BTBD1: variants seen among roughly 807,000 people sequenced by gnomAD.
BTBD1 encodes the protein BTB domain containing 1.
Under a neutral mutation model 48.0 loss-of-function variants are expected in BTBD1, and 34 were observed. That is an observed-to-expected ratio of 0.71 (90% confidence interval 0.54 to 0.94). The LOEUF (loss-of-function observed/expected upper bound fraction) is 0.94, where lower values mean the gene tolerates loss of function less well. BTBD1 is among the 40% of genes least tolerant of loss of function. The pLI is 0.00. For synonymous variants in BTBD1, 261 were observed against 242.1 expected (o/e 1.08, Z -0.72); for missense variants, 543 against 625.6 (o/e 0.87, Z 1.41).
At chr15:83,051,785 T>A (rs185470655) in intron 2 of BTBD1, among the ~76,000 whole-genome samples, 1 of 151,882 alleles carries the variant, frequency 6.6e-6, no homozygotes, top group Non-Finnish European at 1.5e-5. Flanking sequence ...GTTGAAAAGA[T>A]AGTGCAATGA....
chr15:83,041,899 C>G lies in BTBD1; in HGVS notation c.691G>C (p.Asp231His), dbSNP rs763393505. 7.4e-6 allele frequency: 12 copies of G among 1,614,124 alleles called. No individual in the cohort carries two copies. The highest frequency in any genetic ancestry group is 9.3e-6 in the Non-Finnish European group (11 of 1,180,004). The change falls in exon 4 of 8, where the codon GAC (aspartate) becomes CAC (histidine). Residue 231 changes from aspartate (D) to histidine (H), a missense_variant. By Grantham distance (81) the Asp-to-His change is moderately conservative. Around this residue, in one of 3 missense-constraint regions of BTBD1, gnomAD observed 300 missense variants for 350.0 expected, o/e 0.86. Transcript: ENST00000261721. ...IDTLCAVLER[D>H]TLSIRESRLF... ...CGACTTTCTCGAATACTGAGTGTGT[C>G]TCTCTCTAAAACTGCACAGAGTGTA...
intron 3 of BTBD1, among the ~76,000 whole-genome samples, chr15:83,048,365 T>C (rs757991827): frequency 4.6e-5 from 7 of 152,128 alleles, no homozygotes; most frequent in South Asian, 2.1e-4. Context: ...AAGTAGACAG[T>C]TGGGTATATG....
chr15:83,036,430 T>C (rs1317907616), intron 4 of BTBD1, among the ~76,000 whole-genome samples: 1 of 152,196 alleles, frequency 6.6e-6, no homozygotes, highest in Non-Finnish European at 1.5e-5. Context: ...TTGGAGAGGA[T>C]GTGGGCAACC....
At chr15:83,065,022 G>A (rs1165226169) in intron 1 of BTBD1, among the ~76,000 whole-genome samples, 1 of 152,142 alleles carries the variant, frequency 6.6e-6, no homozygotes, top group Non-Finnish European at 1.5e-5. Flanking sequence ...TTTGTTCCAT[G>A]TCTTTTCACG....
chr15:83,061,965 G>A (rs2033183212), intron 1 of BTBD1: 2 of 152,238 alleles, frequency 1.3e-5, no homozygotes, highest in African/African-American at 4.8e-5. Flanking sequence ...AGGAAGTAAA[G>A]CCTGAAGATT....
chr15:83,048,407 A>G (rs1432238744), intron 3 of BTBD1, among the ~76,000 whole-genome samples: 3 of 152,338 alleles, frequency 2.0e-5, no homozygotes, highest in Admixed American at 6.5e-5. Flanking sequence ...CAGGGACTGA[A>G]GATACGTATT....
intron 7 of BTBD1, among the ~76,000 whole-genome samples, chr15:83,018,502 C>CT (rs1420042958): frequency 2.0e-5 from 3 of 152,222 alleles, no homozygotes; most frequent in Non-Finnish European, 4.4e-5. Context: ...AAACAAAGGG[C>CT]TACTTCTTAA....
rs1271487201 is a variant in BTBD1 at position 83,018,777 on chromosome 15, A to C, written c.1220T>G (p.Phe407Cys). 1 of 1,614,136 alleles carries C rather than the reference A, an allele frequency of 6.2e-7. No homozygotes were observed. The highest frequency in any genetic ancestry group is 1.1e-5 in the South Asian group (1 of 91,084). Residue 407 changes from phenylalanine to cysteine, a missense_variant, in exon 7 of 8, where the codon TTC becomes TGC. Physicochemically the swap from Phe to Cys is radical, Grantham distance 205. Coordinates refer to ENST00000261721, the MANE Select transcript of BTBD1 (RefSeq NM_025238.4). Reference protein sequence around the residue: ...GFSCDGTANTFRVMFKEPIEI... With the variant: ...GFSCDGTANTCRVMFKEPIEI... Reference sequence around the variant, plus strand: ...TATGGGTTCCTTGAACATGACCCTGAATGTGTTAGCTGTCCCATCACAACT... The same window carrying C: ...TATGGGTTCCTTGAACATGACCCTGCATGTGTTAGCTGTCCCATCACAACT...
At chr15:83,066,247 C>T (rs1259454740) in intron 1 of BTBD1, among the ~76,000 whole-genome samples, 3 of 152,140 alleles carry the variant, frequency 2.0e-5, no homozygotes, top group Non-Finnish European at 4.4e-5. Context: ...CTGCAGTGAG[C>T]CATGATCGCG....
Position 83,041,758 on chromosome 15 carries a change from G to C in BTBD1, c.832C>G (p.Pro278Ala). 6.2e-7 allele frequency: 1 copy of C among 1,614,082 alleles called. No homozygotes were observed. The highest frequency in any genetic ancestry group is 8.5e-7 in the Non-Finnish European group (1 of 1,180,016). The change falls in exon 4 of 8, where the codon CCA becomes GCA. Residue 278 changes from proline to alanine, a missense_variant. Coordinates refer to ENST00000261721, the MANE Select transcript of BTBD1 (RefSeq NM_025238.4). ...LGKALSLIRF[P>A]LMTIEEFAAG... is the part of the protein sequence containing the mutation. The stretch of plus-strand genomic sequence containing the variant: ...GCAAATTCCTCAATTGTCATCAGTG[G>C]GAACCGGATTAAGGAAAGTGCTTTT...
At chr15:83,042,906 G>A (rs1269309055) in intron 3 of BTBD1, among the ~76,000 whole-genome samples, 2 of 152,194 alleles carry the variant, frequency 1.3e-5, no homozygotes, top group African/African-American at 4.8e-5. Context: ...TTAAGAGGCT[G>A]AGACAGGAGC....
intron 2 of BTBD1, among the ~76,000 whole-genome samples, chr15:83,052,147 G>A (rs552725026): frequency 6.6e-6 from 1 of 152,206 alleles, no homozygotes; most frequent in Non-Finnish European, 1.5e-5. Context: ...AATAGAGACA[G>A]GGTTTCGCCA....
In BTBD1 at chr15:83,050,188, T is replaced by C; in HGVS notation, c.559-10A>G. ...CATCAAATAATCGAGCCTAAACATA[T>C]AAAGAGATAGTTATTTAACTTTCAT... On this transcript the variant is annotated splice_polypyrimidine_tract_variant and intron_variant, in intron 2 of 7. Coordinates refer to ENST00000261721, the MANE Select transcript of BTBD1 (RefSeq NM_025238.4). 6.4e-7 allele frequency: 1 copy of C among 1,562,060 alleles called. No individual in the cohort carries two copies. Among genetic ancestry groups the C allele is most frequent in the African/African-American group, 1.4e-5 (1 of 74,058 alleles).
chr15:83,035,658 A>G lies in BTBD1; in HGVS notation c.863-5330T>C, dbSNP rs1324590853. ...CCTTCTAAGTATCTCAAAAAGTCAC[A>G]AAGACTAATAAAATAAATAACCCCA... On this transcript the variant is annotated intron_variant, in intron 4 of 7. Transcript: ENST00000261721. 2.0e-5 allele frequency among the ~76,000 whole-genome samples: 3 copies of G among 152,244 alleles called. No individual in the cohort carries two copies. In the East Asian group the frequency reaches 5.8e-4, roughly 29 times the overall value.
At chr15:83,035,678 AC>A (rs2032612273) in intron 4 of BTBD1, among the ~76,000 whole-genome samples, 1 of 152,022 alleles carries the variant, frequency 6.6e-6, no homozygotes, top group Non-Finnish European at 1.5e-5. Context: ...AAAATAAATA[AC>A]CCCAGCAAAT....
At position 83,067,054 on chromosome 15, in the gene BTBD1, G is replaced by C. The variant is rs1396944557; in HGVS notation, c.98C>G (p.Ser33Cys). 1.9e-6 allele frequency: 3 copies of C among 1,576,900 alleles called. No individual in the cohort carries two copies. Among genetic ancestry groups the C allele is most frequent in the Non-Finnish European group, 2.6e-6 (3 of 1,164,346 alleles). ...AGPPPPPSPS[S>C]LGPLLPLQRE... ...CTGCAGGGGGAGCAGGGGCCCCAGA[G>C]AGGACGGTGAGGGCGGCGGCGGCGG... Residue 33 changes from serine to cysteine, a missense_variant, in exon 1 of 8, where the codon TCT becomes TGT. Around this residue, in one of 3 missense-constraint regions of BTBD1, gnomAD observed 173 missense variants for 163.9 expected, o/e 1.06. Transcript: ENST00000261721.
chr15:83,020,902 G>GTCA (rs2032281911), intron 5 of BTBD1, 140 bp from the exon 6 acceptor site: 1 of 539,760 alleles, frequency 1.9e-6, no homozygotes, highest in Admixed American at 3.5e-5. Flanking sequence ...CCTTGGAAAT[G>GTCA]TCATCTGTTT....
chr15:83,038,278 TCTAA>T (rs762769030), intron 4 of BTBD1, among the ~76,000 whole-genome samples: 8 of 152,024 alleles, frequency 5.3e-5, no homozygotes, highest in Non-Finnish European at 1.2e-4. Context: ...TAGAAATACA[TCTAA>T]CTAAGATGTA....
chr15:83,052,689 G>C (rs1417728991), intron 2 of BTBD1, among the ~76,000 whole-genome samples: 3 of 148,560 alleles, frequency 2.0e-5, no homozygotes, highest in Admixed American at 6.7e-5. Flanking sequence ...GGAGTGCAGT[G>C]GCGTGATCTC....
Sources: allele counts gnomAD v4.1 joint callset (sites outside exome capture counted in the v4.1 genomes callset), GRCh38; gene constraint gnomAD v4.1.1; regional missense constraint gnomAD v4.1.1; transcripts MANE v1.5; gene names NCBI Gene and HGNC (gene_info 2026-07-23, HGNC 2026-07-21).